MERTK: variants seen among roughly 807,000 people sequenced by gnomAD.
The protein encoded by MERTK is MER proto-oncogene, tyrosine kinase.
Under a neutral mutation model 99.3 loss-of-function variants are expected in MERTK, and 69 were observed. The observed-to-expected ratio is 0.70, with a 90% CI of 0.57 to 0.85. The LOEUF is 0.85. Among genes scored for constraint, MERTK ranks in the 40% least tolerant of loss-of-function variants. The pLI is 0.00. For missense variants in MERTK, 1,125 were observed against 1,249.4 expected (o/e 0.90, Z 1.50); for synonymous variants, 426 against 467.6 (o/e 0.91, Z 1.15).
chr2:111,944,889 G>GTC, intron 2 of MERTK, 71 bp from the exon 3 acceptor site: 3 of 1,281,810 alleles, frequency 2.3e-6, no homozygotes, highest in Non-Finnish European at 3.4e-6. Context: ...AGAAGTTGAA[G>GTC]AAGTTTCCAT....
chr2:111,918,029 T>C (rs549524225), intron 1 of MERTK, among the ~76,000 whole-genome samples: 1 of 152,288 alleles, frequency 6.6e-6, no homozygotes, highest in African/African-American at 2.4e-5. Context: ...AAACTGAAAC[T>C]CTGTAACCAT....
intron 15 of MERTK, chr2:112,010,375 C>A: frequency 3.1e-6 from 1 of 327,548 alleles, no homozygotes; most frequent in Non-Finnish European, 6.0e-6. Flanking sequence ...TGGCCGCATA[C>A]TCCCCAGAGC....
intron 9 of MERTK, 56 bp from the exon 10 acceptor site, chr2:111,997,267 A>C (rs779162419): frequency 3.2e-5 from 51 of 1,571,518 alleles, no homozygotes; most frequent in Non-Finnish European, 4.3e-5. Flanking sequence ...CCCTGTTACA[A>C]GCCAGTGTTT....
rs371471115 is a variant in MERTK at position 111,957,129 on chromosome 2, G to A, written c.758-8062G>A. Among the ~76,000 whole-genome samples, 44 of 151,748 alleles carry A rather than the reference G, an allele frequency of 2.9e-4. No individual in the cohort carries two copies. In the South Asian group the frequency reaches 6.7e-3, roughly 23 times the overall value. ...TTTTTAATAGAGGTGGGGTTTCACC[G>A]TGTTAGCCAGGATGGTCTCGATCTC... On this transcript the variant is annotated intron_variant, in intron 4 of 18. Transcript: ENST00000295408.
chr2:111,978,635 ATGTC>A (rs1166513833), intron 7 of MERTK, among the ~76,000 whole-genome samples: 3 of 152,168 alleles, frequency 2.0e-5, no homozygotes, highest in African/African-American at 4.8e-5. Flanking sequence ...AACTGTTTCA[ATGTC>A]TTTGTTTGCT....
chr2:111,984,385 A>G (rs994405208), intron 8 of MERTK, among the ~76,000 whole-genome samples: 3 of 152,178 alleles, frequency 2.0e-5, no homozygotes, highest in South Asian at 2.1e-4. Context: ...CACCCAGTCA[A>G]GTTGACACAT....
intron 1 of MERTK, among the ~76,000 whole-genome samples, chr2:111,899,825 CATTT>C (rs1339189674): frequency 1.3e-5 from 2 of 151,978 alleles, no homozygotes; most frequent in African/African-American, 4.8e-5. Context: ...TTGTTCCAGG[CATTT>C]TAATACAAGA....
chr2:111,992,955 G>A (rs572464925), intron 8 of MERTK, among the ~76,000 whole-genome samples: 8 of 152,100 alleles, frequency 5.3e-5, no homozygotes, highest in South Asian at 2.1e-4. Flanking sequence ...GGACTCTTGG[G>A]GGCTGAGCCC....
chr2:111,978,648 C>T (rs915688386), intron 7 of MERTK, among the ~76,000 whole-genome samples: 2 of 152,198 alleles, frequency 1.3e-5, no homozygotes, highest in Admixed American at 6.5e-5. Flanking sequence ...TCTTTGTTTG[C>T]TATCCTAACA....
intron 2 of MERTK, among the ~76,000 whole-genome samples, chr2:111,939,733 G>A (rs1326643601): frequency 7.1e-6 from 1 of 140,120 alleles, no homozygotes. Context: ...CAAACTCCTG[G>A]CCTCAAATGA....
In MERTK at chr2:111,998,634, G is replaced by A. The variant is rs180839330; in HGVS notation, c.1604+1158G>A. Among the ~76,000 whole-genome samples the A allele has an allele frequency of 2.0e-5, 3 of 152,290 alleles. No homozygotes were observed. In the East Asian group the frequency reaches 5.8e-4, roughly 29 times the overall value. ...CAGGGAAGGCCTTTGTGCAGAAGTG[G>A]CTGACACCAGAGCTAAGATCTGAAG... On this transcript the variant is annotated intron_variant, in intron 10 of 18. Transcript: ENST00000295408.
intron 5 of MERTK, among the ~76,000 whole-genome samples, chr2:111,966,407 ACTTC>A (rs1284523906): frequency 1.3e-5 from 2 of 152,208 alleles, no homozygotes; most frequent in African/African-American, 2.4e-5. Flanking sequence ...GAAGTGTATA[ACTTC>A]CTTCCTTCAT....
chr2:112,003,137 A>T lies in MERTK; in HGVS notation c.1736A>T (p.Asp579Val). ...GAGGAACTACAAAATAAACTAGAAG[A>T]TGTTGTGATTGACAGGAATCTTCTA... ...VSEELQNKLE[D>V]VVIDRNLLIL... is the part of the protein sequence containing the mutation. Residue 579 changes from aspartate (D) to valine (V), a missense_variant, in exon 12 of 19, where the codon GAT becomes GTT. Transcript: ENST00000295408. 6.2e-7 allele frequency: 1 copy of T among 1,604,358 alleles called. No individual in the cohort carries two copies. Among genetic ancestry groups the T allele is most frequent in the African/African-American group, 1.3e-5 (1 of 74,844 alleles).
At chr2:111,990,728 A>G (rs902474574) in intron 8 of MERTK, among the ~76,000 whole-genome samples, 1 of 152,178 alleles carries the variant, frequency 6.6e-6, no homozygotes, top group African/African-American at 2.4e-5. Context: ...CTAAATCTCA[A>G]CTTATTTACT....
intron 10 of MERTK, among the ~76,000 whole-genome samples, chr2:111,998,505 G>A (rs1204222652): frequency 2.0e-5 from 3 of 152,162 alleles, no homozygotes; most frequent in African/African-American, 7.2e-5. Flanking sequence ...GGGGAGTCAG[G>A]CAGTAGTCAA....
chr2:111,946,987 TGC>T (rs1684971112), intron 3 of MERTK, among the ~76,000 whole-genome samples: 1 of 152,204 alleles, frequency 6.6e-6, no homozygotes, highest in African/African-American at 2.4e-5. Flanking sequence ...AACTCTTGTT[TGC>T]CAAGGCTGGG....
In MERTK at chr2:111,976,365, A is replaced by G. The variant is rs557302645; in HGVS notation, c.1144+893A>G. 9.7e-4 allele frequency among the ~76,000 whole-genome samples: 148 copies of G among 152,292 alleles called. 2 individuals are homozygous for G. Among genetic ancestry groups the G allele is most frequent in the African/African-American group, 3.2e-3 (135 of 41,554 alleles). On this transcript the variant is annotated intron_variant, in intron 7 of 18. Coordinates refer to ENST00000295408, the MANE Select transcript of MERTK (RefSeq NM_006343.3). ...ACCCACAGTCAGAAAGATGGGGAAG[A>G]TTAGAGTCCTGCATTGAGGCAGGTG...
intron 2 of MERTK, among the ~76,000 whole-genome samples, chr2:111,933,806 GCTTTGCTA>G (rs1401575319): frequency 6.6e-6 from 1 of 152,016 alleles, no homozygotes; most frequent in East Asian, 1.9e-4. Context: ...GTGCCATGGT[GCTTTGCTA>G]CACCCATCAA....
chr2:111,988,659 T>G (rs544294730), intron 8 of MERTK, among the ~76,000 whole-genome samples: 15 of 152,228 alleles, frequency 9.9e-5, no homozygotes, highest in Non-Finnish European at 1.9e-4. Context: ...AACCCTTAAC[T>G]GTGAGGCCAG....
Sources: allele counts gnomAD v4.1 joint callset (sites outside exome capture counted in the v4.1 genomes callset), GRCh38; gene constraint gnomAD v4.1.1; transcripts MANE v1.5; gene names NCBI Gene and HGNC (gene_info 2026-07-23, HGNC 2026-07-21).